Variants in RAPGEF6 observed in about 807,000 individuals in gnomAD.
The protein encoded by RAPGEF6 is Rap guanine nucleotide exchange factor 6.
Under a neutral mutation model 171.4 loss-of-function variants are expected in RAPGEF6, and 56 were observed. The observed-to-expected ratio is 0.33, with a 90% confidence interval of 0.26 to 0.41. RAPGEF6 has a LOEUF of 0.41. Ranked by LOEUF, RAPGEF6 falls within the 10% of genes least tolerant of loss-of-function variation. The probability of loss-of-function intolerance (pLI) is 1.00; values close to 1 mark genes in which losing one functional copy is unlikely to be tolerated. For missense variants in RAPGEF6, 1,674 were observed against 1,921.4 expected, an observed-to-expected ratio of 0.87 and a Z score of 2.41; for synonymous variants, 692 against 650.1, an observed-to-expected ratio of 1.06 and a Z score of -0.98.
At chr5:131,487,629 G>A (rs926341562) in intron 15 of RAPGEF6, among the ~76,000 whole-genome samples, 2 of 152,098 alleles carry the variant, frequency 1.3e-5, no homozygotes, top group Admixed American at 1.3e-4. Flanking sequence ...GCTGATTGGT[G>A]TGTTTTTACA....
At chr5:131,625,633 G>A (rs961461613) in intron 1 of RAPGEF6, among the ~76,000 whole-genome samples, 1 of 152,058 alleles carries the variant, frequency 6.6e-6, no homozygotes, top group East Asian at 1.9e-4. Flanking sequence ...GGCTAACATG[G>A]TGAAACCCCG....
rs147589394 is a variant in RAPGEF6, at chr5:131,540,491, G to A, written c.495+7556C>T. Among the ~76,000 whole-genome samples, 37 of 152,324 alleles carry A rather than the reference G, an allele frequency of 2.4e-4. No individual in the cohort carries two copies. In the East Asian group the frequency reaches 5.8e-3, roughly 24 times the overall value. Reference sequence around the variant, plus strand: ...TAAGGCAGGTCGTTAGAGCCCAGGAGTTTGAGCTTATGGTGAACTATGATC... The same window carrying A: ...TAAGGCAGGTCGTTAGAGCCCAGGAATTTGAGCTTATGGTGAACTATGATC... On this transcript the variant is annotated intron_variant, in intron 6 of 27. Coordinates refer to ENST00000509018, the MANE Select transcript of RAPGEF6 (RefSeq NM_016340.6).
At chr5:131,633,638 G>GA (rs886240749) in intron 1 of RAPGEF6, among the ~76,000 whole-genome samples, 1 of 151,710 alleles carries the variant, frequency 6.6e-6, no homozygotes, top group Non-Finnish European at 1.5e-5. Context: ...GGCTGAGGCA[G>GA]AAAAATCGCT....
chr5:131,570,748 A>C (rs1256678864), intron 4 of RAPGEF6, among the ~76,000 whole-genome samples: 2 of 152,126 alleles, frequency 1.3e-5, no homozygotes, highest in Non-Finnish European at 2.9e-5. Flanking sequence ...TTTAAGTAAA[A>C]TACTCTCTCT....
At chr5:131,456,048 C>A (rs1389476889) in intron 19 of RAPGEF6, 36 bp from the exon 20 acceptor site, 2 of 1,579,402 alleles carry the variant, frequency 1.3e-6, no homozygotes, top group Non-Finnish European at 8.7e-7. Context: ...TAAAAAGAAA[C>A]TTGGGGAAAG....
chr5:131,469,319 AT>A (rs781584035), intron 17 of RAPGEF6, among the ~76,000 whole-genome samples: 1 of 152,124 alleles, frequency 6.6e-6, no homozygotes, highest in African/African-American at 2.4e-5. Flanking sequence ...TGGCAGTTTA[AT>A]TTTTTTAAAG....
chr5:131,562,330 C>A (rs752329993), intron 4 of RAPGEF6, among the ~76,000 whole-genome samples: 5 of 152,044 alleles, frequency 3.3e-5, no homozygotes, highest in Non-Finnish European at 2.9e-5. Context: ...ACTGTCTAAT[C>A]TCAAATTTCT....
At chr5:131,548,605 T>C (rs1760708166) in intron 5 of RAPGEF6, among the ~76,000 whole-genome samples, 1 of 152,236 alleles carries the variant, frequency 6.6e-6, no homozygotes, top group Admixed American at 6.5e-5. Context: ...CAAGAAAACT[T>C]TATGCAATAT....
chr5:131,574,532 C>A (rs969239956), intron 4 of RAPGEF6, among the ~76,000 whole-genome samples: 3 of 152,150 alleles, frequency 2.0e-5, no homozygotes, highest in Admixed American at 2.0e-4. Context: ...GGCTTCAAGA[C>A]CCCTTAAAAC....
rs1481511684 is a variant in RAPGEF6 at position 131,442,507 on chromosome 5, G to C, written c.3452C>G (p.Ala1151Gly). The change falls in exon 23 of 28, where the codon GCC (alanine) becomes GGC (glycine). Residue 1151 changes from alanine (A) to glycine (G), a missense_variant. By Grantham distance (60) the Ala-to-Gly change is moderately conservative. Transcript: ENST00000509018. ...CACTGGAGACATTTCAGATGATTTGGCTGATCTTTTCTCACTTAAATTCTT... is the reference window on the plus strand; with the variant it reads ...CACTGGAGACATTTCAGATGATTTGCCTGATCTTTTCTCACTTAAATTCTT... ...LTKNLSEKRS[A>G]KSSEMSPVPM... 1.7e-5 allele frequency: 27 copies of C among 1,613,812 alleles called. No homozygotes were observed. The highest frequency in any genetic ancestry group is 2.3e-5 in the Non-Finnish European group (27 of 1,179,920).
chr5:131,521,891 A>ACACACACACACACACT (rs1250904540), intron 6 of RAPGEF6, among the ~76,000 whole-genome samples: 1 of 123,574 alleles, frequency 8.1e-6, no homozygotes, highest in African/African-American at 3.0e-5. Flanking sequence ...ACACACACAC[A>ACACACACACACACACT]CTCTCTCTCT....
intron 20 of RAPGEF6, among the ~76,000 whole-genome samples, chr5:131,453,509 T>C (rs986082871): frequency 1.9e-4 from 29 of 152,112 alleles, no homozygotes; most frequent in Non-Finnish European, 4.1e-4. Context: ...GAGGATTGCC[T>C]GAGCTCAGGA....
chr5:131,486,673 C>T (rs1256324283), intron 15 of RAPGEF6, among the ~76,000 whole-genome samples: 3 of 150,748 alleles, frequency 2.0e-5, no homozygotes, highest in African/African-American at 7.3e-5. Flanking sequence ...ACTTCTTTCT[C>T]AATGATTGTT....
intron 4 of RAPGEF6, among the ~76,000 whole-genome samples, chr5:131,569,032 T>C (rs2149977042): frequency 6.6e-6 from 1 of 152,278 alleles, no homozygotes; most frequent in South Asian, 2.1e-4. Flanking sequence ...AACAAAAGTG[T>C]AAGACTTATA....
chr5:131,555,415 G>GA (rs1300539204), intron 5 of RAPGEF6, among the ~76,000 whole-genome samples: 1 of 59,860 alleles, frequency 1.7e-5, no homozygotes, highest in Non-Finnish European at 3.9e-5. Context: ...ATACTTTTAA[G>GA]AAAAAAATAG....
intron 4 of RAPGEF6, among the ~76,000 whole-genome samples, chr5:131,589,806 T>C (rs1763482810): frequency 6.6e-6 from 1 of 152,206 alleles, no homozygotes; most frequent in Admixed American, 6.5e-5. Flanking sequence ...GCCATCTGCA[T>C]CCTGGTAAGG....
At chr5:131,464,433 A>G (rs932595942) in intron 17 of RAPGEF6, 152 bp from the exon 18 acceptor site, 2 of 629,794 alleles carry the variant, frequency 3.2e-6, no homozygotes, top group Admixed American at 3.1e-5. Context: ...GCATTTATTG[A>G]TAAATATATC....
At chr5:131,473,198 A>G (rs1362737305) in intron 16 of RAPGEF6, among the ~76,000 whole-genome samples, 1 of 152,218 alleles carries the variant, frequency 6.6e-6, no homozygotes. Flanking sequence ...ACCAAAAACT[A>G]TGGCAGGTAA....
intron 17 of RAPGEF6, among the ~76,000 whole-genome samples, chr5:131,466,095 C>CAAA (rs769107975): frequency 1.5e-3 from 75 of 50,902 alleles, no homozygotes; most frequent in African/African-American, 4.6e-3. Context: ...GACTGAGGAC[C>CAAA]AAAAAAAAAA....
Sources: allele counts gnomAD v4.1 joint callset (sites outside exome capture counted in the v4.1 genomes callset), GRCh38; gene constraint gnomAD v4.1.1; transcripts MANE v1.5; gene names NCBI Gene and HGNC (gene_info 2026-07-23, HGNC 2026-07-21).